Variants in FAAH2 observed in about 807,000 individuals in gnomAD.
FAAH2 encodes the protein fatty-acid amide hydrolase 2.
A neutral mutation model predicts 36.9 loss-of-function variants in FAAH2; 60 were observed. That is an observed-to-expected ratio of 1.63 (90% CI 1.32 to 2.02). The LOEUF is 2.02. FAAH2 is among the 30% of genes most tolerant of loss of function. The probability of loss-of-function intolerance (pLI) is 0.00; values close to 1 mark genes in which losing one functional copy is unlikely to be tolerated. For synonymous variants in FAAH2, 214 were observed against 143.8 expected, an observed-to-expected ratio of 1.49 and a Z score of -3.49; for missense variants, 689 against 397.5, an observed-to-expected ratio of 1.73 and a Z score of -6.23.
At chrX:57,144,528 A>C in the FAAH2 span, among the ~76,000 whole-genome samples, 1 of 108,652 alleles carries the variant, frequency 9.2e-6, no homozygotes, top group Non-Finnish European at 1.9e-5. Context: ...ATAATTTTTA[A>C]AATTTCCATT....
intron 5 of FAAH2, among the ~76,000 whole-genome samples, chrX:57,366,147 T>A (rs1479106719): frequency 8.9e-6 from 1 of 112,062 alleles, no homozygotes; most frequent in African/African-American, 3.2e-5. Flanking sequence ...TTTCTTTCTT[T>A]CTTTCTTTTT....
chrX:57,470,713 T>C (rs941278411), intron 10 of FAAH2, among the ~76,000 whole-genome samples: 2 of 111,292 alleles, frequency 1.8e-5, no homozygotes, highest in South Asian at 3.8e-4. Context: ...TTCCAATCGA[T>C]AGAAAAAGAG....
chrX:57,269,418 T>C, the FAAH2 span, among the ~76,000 whole-genome samples: 1 of 111,244 alleles, frequency 9.0e-6, no homozygotes, highest in Non-Finnish European at 1.9e-5. Flanking sequence ...AATAACAAAA[T>C]ATACATTTTT....
intron 8 of FAAH2, among the ~76,000 whole-genome samples, chrX:57,437,568 C>T (rs963103371): frequency 9.2e-6 from 1 of 108,323 alleles, no homozygotes; most frequent in Non-Finnish European, 1.9e-5. Context: ...AAACAAGTAG[C>T]ATTTTTTTAC....
intron 7 of FAAH2, among the ~76,000 whole-genome samples, chrX:57,385,412 T>C (rs1036132213): frequency 1.8e-5 from 2 of 111,076 alleles, no homozygotes; most frequent in Non-Finnish European, 3.8e-5. Context: ...AGAATAAAAA[T>C]TTATTTCTCA....
At chrX:57,158,901 A>T in the FAAH2 span, among the ~76,000 whole-genome samples, 1 of 112,149 alleles carries the variant, frequency 8.9e-6, no homozygotes, top group Non-Finnish European at 1.9e-5. Flanking sequence ...TTGGCGTTTT[A>T]GACATGAAGT....
chrX:57,374,979 T>C (rs997191501), intron 5 of FAAH2, among the ~76,000 whole-genome samples: 2 of 111,697 alleles, frequency 1.8e-5, no homozygotes, highest in Non-Finnish European at 3.8e-5. Context: ...GCGATTTTTG[T>C]TTTTAATTCT....
chrX:57,189,019 C>T, the FAAH2 span, among the ~76,000 whole-genome samples: 2 of 111,468 alleles, frequency 1.8e-5, no homozygotes, highest in Middle Eastern at 9.1e-3. Flanking sequence ...CGTTCAGGGA[C>T]CCCAGTCAAT....
chrX:57,150,111 TG>T, the FAAH2 span, among the ~76,000 whole-genome samples: 1 of 112,459 alleles, frequency 8.9e-6, no homozygotes, highest in Non-Finnish European at 1.9e-5. Flanking sequence ...TTGATTGCAC[TG>T]TGGTCTCAGA....
chrX:57,162,933 C>T, the FAAH2 span, among the ~76,000 whole-genome samples: 48 of 112,654 alleles, frequency 4.3e-4, no homozygotes, highest in Middle Eastern at 4.6e-3. Context: ...GGAGGAGAGG[C>T]GCTCTGCTTT....
chrX:57,245,230 C>T, the FAAH2 span, among the ~76,000 whole-genome samples: 1 of 111,557 alleles, frequency 9.0e-6, no homozygotes, highest in African/African-American at 3.3e-5. Context: ...AGATTATAAA[C>T]CAAGTTCTTA....
intron 8 of FAAH2, among the ~76,000 whole-genome samples, chrX:57,445,970 T>C (rs1028404635): frequency 8.9e-6 from 1 of 112,431 alleles, no homozygotes; most frequent in African/African-American, 3.2e-5. Flanking sequence ...CAGCTAGTGG[T>C]GGAGCCAGCC....
At chrX:57,360,234 T>A (rs1226256511) in intron 5 of FAAH2, among the ~76,000 whole-genome samples, 1 of 110,894 alleles carries the variant, frequency 9.0e-6, no homozygotes, top group Non-Finnish European at 1.9e-5. Flanking sequence ...TCCTCAAAAT[T>A]GAGAAGTTTT....
At chrX:57,148,370 G>A in the FAAH2 span, among the ~76,000 whole-genome samples, 2 of 111,554 alleles carry the variant, frequency 1.8e-5, no homozygotes, top group African/African-American at 6.5e-5. Flanking sequence ...CCATTTTCAC[G>A]ATATTGATTC....
intron 2 of FAAH2, among the ~76,000 whole-genome samples, chrX:57,301,390 C>T (rs1195533776): frequency 2.0e-5 from 2 of 99,266 alleles, no homozygotes; most frequent in Non-Finnish European, 4.0e-5. Flanking sequence ...CATGTTCTCA[C>T]TCATAGGTGG....
At chrX:57,253,767 A>G in the FAAH2 span, among the ~76,000 whole-genome samples, 1 of 111,554 alleles carries the variant, frequency 9.0e-6, no homozygotes. Flanking sequence ...TCCTGAAGGA[A>G]ATACTAAACA....
At chrX:57,134,935 T>C in the FAAH2 span, 1 of 112,040 alleles carries the variant, frequency 8.9e-6, no homozygotes, top group African/African-American at 3.2e-5. Context: ...CATGCTCTTC[T>C]AGTGAACCTC....
rs1382667110 is a variant in FAAH2, at chrX:57,313,468, TA to T, written c.412+2742del. 4.6e-5 allele frequency among the ~76,000 whole-genome samples: 5 copies of T among 107,680 alleles called. No individual in the cohort carries two copies. The South Asian group carries it at 2.1e-3, about 44-fold the overall frequency. 93.5% of individuals were successfully genotyped at this position (107,680 alleles called of 115,157 possible). ...TCACCAAGGTCAATACAAAAATAAA[TA>T]AATAAATAAATAAATACATCTTAAA... On this transcript the variant is annotated intron_variant, in intron 3 of 10. Coordinates refer to ENST00000374900, the MANE Select transcript of FAAH2 (RefSeq NM_174912.4).
chrX:57,328,392 T>G (rs1044390465), intron 3 of FAAH2, among the ~76,000 whole-genome samples: 32 of 112,071 alleles, frequency 2.9e-4, no homozygotes, highest in African/African-American at 9.7e-4. Flanking sequence ...ATAGTATGTT[T>G]TTCTGCTCTA....
Sources: gnomAD v4.1 joint callset for allele counts (sites outside exome capture counted in the v4.1 genomes callset) on GRCh38, gnomAD v4.1.1 for gene constraint, MANE v1.5 for transcripts, NCBI Gene and HGNC (gene_info 2026-07-23, HGNC 2026-07-21) for gene names.